Variants in SENP7 observed in about 807,000 individuals in gnomAD.
SENP7 encodes the protein sentrin-specific protease 7.
In SENP7, 64 loss-of-function variants were observed where a neutral mutation model predicts 141.2. That is an observed-to-expected ratio of 0.45 (90% CI 0.37 to 0.56). SENP7 has a LOEUF of 0.56. SENP7 is among the 20% of genes least tolerant of loss of function. The probability of loss-of-function intolerance (pLI) is 0.00; values close to 1 mark genes in which losing one functional copy is unlikely to be tolerated. For synonymous variants in SENP7, 382 were observed against 426.4 expected, an observed-to-expected ratio of 0.90 and a Z score of 1.28; for missense variants, 1,025 against 1,212.2, an observed-to-expected ratio of 0.85 and a Z score of 2.29.
chr3:101,390,219 CAAAAAAAAAAAAA>C (rs563281627), intron 6 of SENP7, among the ~76,000 whole-genome samples: 3 of 73,844 alleles, frequency 4.1e-5, no homozygotes, highest in African/African-American at 5.7e-5. Context: ...GACTCTGTCT[CAAAAAAAAAAAAA>C]AAAAAAAAAA....
intron 16 of SENP7, among the ~76,000 whole-genome samples, chr3:101,339,277 G>A (rs1221909987): frequency 6.6e-6 from 1 of 152,144 alleles, no homozygotes; most frequent in Non-Finnish European, 1.5e-5. Flanking sequence ...GTTTGGGAGA[G>A]ATGTGTAAAA....
intron 5 of SENP7, among the ~76,000 whole-genome samples, chr3:101,402,461 T>TA (rs143050089): frequency 6.6e-6 from 1 of 151,174 alleles, no homozygotes; most frequent in Non-Finnish European, 1.5e-5. Flanking sequence ...CCACCTCTAC[T>TA]AAAAAAAACA....
chr3:101,442,615 T>TA (rs2062723131), intron 4 of SENP7, among the ~76,000 whole-genome samples: 1 of 151,094 alleles, frequency 6.6e-6, no homozygotes, highest in South Asian at 2.1e-4. Context: ...CTCAAAAAGT[T>TA]ACAAGAGAAC....
At chr3:101,329,888 G>A (rs1201303182) in intron 20 of SENP7, among the ~76,000 whole-genome samples, 1 of 150,940 alleles carries the variant, frequency 6.6e-6, no homozygotes, top group African/African-American at 2.4e-5. Context: ...CCAGGAGGGG[G>A]AGGTTGCACT....
At chr3:101,432,352 G>C (rs1245303943) in intron 4 of SENP7, among the ~76,000 whole-genome samples, 5 of 152,212 alleles carry the variant, frequency 3.3e-5, no homozygotes, top group Non-Finnish European at 2.9e-5. Context: ...CTGACCAAGG[G>C]CTTGGGAGAT....
In SENP7 at chr3:101,384,909, T is replaced by C. The variant is rs547009410; in HGVS notation, c.678-12783A>G. Among the ~76,000 whole-genome samples the C allele has an allele frequency of 3.3e-5, 5 of 152,356 alleles. No individual in the cohort carries two copies. The East Asian group carries it at 9.6e-4, about 29-fold the overall frequency. The stretch of plus-strand genomic sequence containing the variant: ...TGTACAGTCTGTAGAACTGTGAGCC[T>C]ATTAAACCTCATTTCTTACATACTA... On this transcript the variant is annotated intron_variant, in intron 6 of 23. Transcript: ENST00000394095.
intron 1 of SENP7, among the ~76,000 whole-genome samples, chr3:101,503,436 A>C (rs979813614): frequency 2.0e-5 from 3 of 152,358 alleles, no homozygotes; most frequent in South Asian, 2.1e-4. Flanking sequence ...CTTAATATCC[A>C]AAAACTGGAA....
chr3:101,392,643 C>T (rs2060848454), intron 6 of SENP7, among the ~76,000 whole-genome samples: 1 of 152,126 alleles, frequency 6.6e-6, no homozygotes. Flanking sequence ...AATGCAATCC[C>T]AATCAAAATG....
chr3:101,466,580 C>T (rs866623423), intron 3 of SENP7, among the ~76,000 whole-genome samples: 1 of 152,100 alleles, frequency 6.6e-6, no homozygotes, highest in African/African-American at 2.4e-5. Context: ...CACTACACTA[C>T]AAAAATGCTT....
chr3:101,389,859 C>A (rs1419663307), intron 6 of SENP7, among the ~76,000 whole-genome samples: 9 of 152,098 alleles, frequency 5.9e-5, no homozygotes, highest in Non-Finnish European at 8.8e-5. Flanking sequence ...AAACAATTTA[C>A]AAAATGCAGG....
Position 101,327,807 on chromosome 3 carries a change from C to T in SENP7, c.2874G>A (p.Glu958=). ...TTTTTAGTTTAACTTCCCACTCTAC[C>T]TCTAAATACCTGAAATAATCAACAA... ...NTVQNLREYL[E]VEWEVKLKTH... Residue 958 remains glutamate (E), a synonymous_variant, in exon 23 of 24, where the codon GAG becomes GAA. Coordinates refer to ENST00000394095, the MANE Select transcript of SENP7 (RefSeq NM_020654.5). 1 of 1,600,032 alleles carries T rather than the reference C, an allele frequency of 6.2e-7. No homozygotes were observed. Among genetic ancestry groups the T allele is most frequent in the Non-Finnish European group, 8.5e-7 (1 of 1,170,014 alleles).
At chr3:101,497,551 C>G (rs973281132) in intron 2 of SENP7, among the ~76,000 whole-genome samples, 3 of 151,594 alleles carry the variant, frequency 2.0e-5, no homozygotes, top group Non-Finnish European at 2.9e-5. Flanking sequence ...CACAAGGGTA[C>G]AGCCAACATG....
chr3:101,338,734 ACAGAGAC>A (rs2059253223), intron 16 of SENP7, among the ~76,000 whole-genome samples: 1 of 152,174 alleles, frequency 6.6e-6, no homozygotes, highest in Non-Finnish European at 1.5e-5. Context: ...CCAAGTGCTC[ACAGAGAC>A]CAAGAATGGT....
intron 6 of SENP7, among the ~76,000 whole-genome samples, chr3:101,397,182 A>C (rs1157695085): frequency 6.6e-6 from 1 of 152,062 alleles, no homozygotes; most frequent in East Asian, 1.9e-4. Flanking sequence ...CACCCAGGCT[A>C]GGATGCAGTG....
intron 4 of SENP7, among the ~76,000 whole-genome samples, chr3:101,425,587 C>T (rs2061934046): frequency 6.6e-6 from 1 of 152,190 alleles, no homozygotes; most frequent in Non-Finnish European, 1.5e-5. Context: ...ACACTGAAAA[C>T]TCAAAAAGCC....
chr3:101,359,652 CA>C (rs1192332851), intron 11 of SENP7, among the ~76,000 whole-genome samples: 4 of 151,408 alleles, frequency 2.6e-5, no homozygotes, highest in African/African-American at 9.7e-5. Context: ...CCAAATATCC[CA>C]AAATAAGTAG....
chr3:101,460,328 T>C (rs768507874), intron 3 of SENP7, among the ~76,000 whole-genome samples: 7 of 152,176 alleles, frequency 4.6e-5, no homozygotes, highest in Non-Finnish European at 7.3e-5. Flanking sequence ...ATCAAAATAA[T>C]GTTGGCAACG....
chr3:101,513,005 G>T (rs1171268144), intron 1 of SENP7, 86 bp downstream of exon 1: 1 of 1,463,566 alleles, frequency 6.8e-7, no homozygotes. Context: ...CCGCGGCTTC[G>T]GGCCGCAACC....
intron 14 of SENP7, 39 bp downstream of exon 14, chr3:101,343,647 C>T (rs370557394): frequency 1.3e-5 from 20 of 1,544,802 alleles, no homozygotes; most frequent in African/African-American, 1.4e-5. Flanking sequence ...TTTTCTGAAC[C>T]TCCCCCTTCT....
Sources: gnomAD v4.1 joint callset for allele counts (sites outside exome capture counted in the v4.1 genomes callset) on GRCh38, gnomAD v4.1.1 for gene constraint, MANE v1.5 for transcripts, NCBI Gene and HGNC (gene_info 2026-07-23, HGNC 2026-07-21) for gene names.